The following WDFY3 variants were observed in gnomAD, a reference collection of about 807,000 sequenced individuals.
WDFY3 encodes WD repeat and FYVE domain containing 3, also known as WD repeat and FYVE domain-containing protein 3.
A neutral mutation model predicts 409.6 loss-of-function variants in WDFY3; 66 were observed. The observed-to-expected ratio is 0.16, with a 90% CI of 0.13 to 0.20. The LOEUF (loss-of-function observed/expected upper bound fraction) is 0.20, where lower values mean the gene tolerates loss of function less well. WDFY3 is among the 10% of genes least tolerant of loss of function. The probability of loss-of-function intolerance (pLI) is 1.00; values close to 1 mark genes in which losing one functional copy is unlikely to be tolerated. For synonymous variants in WDFY3, 1,521 were observed against 1,537.1 expected, an observed-to-expected ratio of 0.99 and a Z score of 0.25; for missense variants, 3,031 against 4,298.1, an observed-to-expected ratio of 0.71 and a Z score of 8.24.
At chr4:84,711,290 A>G (rs1732843776) in intron 51 of WDFY3, among the ~76,000 whole-genome samples, 1 of 152,208 alleles carries the variant, frequency 6.6e-6, no homozygotes, top group Non-Finnish European at 1.5e-5. Context: ...ATAAAAACAG[A>G]AGTTTAAATG....
At chr4:84,748,048 T>C (rs574458785) in intron 36 of WDFY3, among the ~76,000 whole-genome samples, 361 of 152,254 alleles carry the variant, frequency 2.4e-3, no homozygotes, top group Non-Finnish European at 4.2e-3. Context: ...CCTCCAGGTA[T>C]ACACAAATCT....
chr4:84,783,557 G>C (rs1746945529), intron 24 of WDFY3, among the ~76,000 whole-genome samples: 1 of 152,148 alleles, frequency 6.6e-6, no homozygotes, highest in African/African-American at 2.4e-5. Flanking sequence ...AAGATGGTGA[G>C]AGGATCTTGA....
chr4:84,780,876 G>A (rs1746388579), intron 25 of WDFY3, among the ~76,000 whole-genome samples: 2 of 152,072 alleles, frequency 1.3e-5, no homozygotes, highest in Non-Finnish European at 2.9e-5. Flanking sequence ...GCAGAGAAGA[G>A]CAGGGCTTTA....
intron 17 of WDFY3, among the ~76,000 whole-genome samples, chr4:84,799,772 C>CA (rs895722403): frequency 3.3e-4 from 50 of 152,208 alleles, no homozygotes; most frequent in African/African-American, 1.2e-3. Flanking sequence ...GCCAGTTTTT[C>CA]ATGTAGAACG....
At chr4:84,878,345 T>A (rs894096444) in intron 3 of WDFY3, among the ~76,000 whole-genome samples, 1 of 152,118 alleles carries the variant, frequency 6.6e-6, no homozygotes, top group Non-Finnish European at 1.5e-5. Flanking sequence ...GAATGTATGT[T>A]AAGACCTAAA....
intron 3 of WDFY3, among the ~76,000 whole-genome samples, chr4:84,885,379 C>G (rs550099529): frequency 1.3e-5 from 2 of 150,094 alleles, no homozygotes; most frequent in East Asian, 3.9e-4. Context: ...AAATGAATCA[C>G]GTAAGAACTC....
chr4:84,876,964 T>C (rs1296850859), intron 3 of WDFY3, among the ~76,000 whole-genome samples: 1 of 152,232 alleles, frequency 6.6e-6, no homozygotes, highest in Non-Finnish European at 1.5e-5. Context: ...TTTCATGCTA[T>C]TAAATTATCA....
At chr4:84,947,699 C>T (rs1561139360) in intron 1 of WDFY3, among the ~76,000 whole-genome samples, 3 of 145,624 alleles carry the variant, frequency 2.1e-5, no homozygotes, top group African/African-American at 7.7e-5. Flanking sequence ...ATCAAAAAAC[C>T]CCACATCTAC....
chr4:84,864,348 A>G (rs957318117), intron 3 of WDFY3, among the ~76,000 whole-genome samples: 2 of 148,042 alleles, frequency 1.4e-5, no homozygotes, highest in African/African-American at 5.0e-5. Flanking sequence ...CCTGGGTGAA[A>G]GAGCAAGACT....
At chr4:84,955,663 C>G (rs1302111940) in intron 1 of WDFY3, among the ~76,000 whole-genome samples, 1 of 152,004 alleles carries the variant, frequency 6.6e-6, no homozygotes, top group Non-Finnish European at 1.5e-5. Context: ...ATTTTTGCAA[C>G]TTCCCAAGTT....
intron 7 of WDFY3, among the ~76,000 whole-genome samples, chr4:84,834,481 T>C (rs1756268803): frequency 6.7e-6 from 1 of 148,284 alleles, no homozygotes; most frequent in Admixed American, 6.7e-5. Context: ...ACCTCATCTC[T>C]ACTAAAAACA....
chr4:84,874,991 T>C (rs1327713048), intron 3 of WDFY3, among the ~76,000 whole-genome samples: 1 of 151,884 alleles, frequency 6.6e-6, no homozygotes, highest in Admixed American at 6.6e-5. Context: ...TATTTGTATA[T>C]CTAAACACAG....
intron 40 of WDFY3, 37 bp from the exon 41 acceptor site, chr4:84,737,403 C>A: frequency 6.6e-7 from 1 of 1,516,612 alleles, no homozygotes. Context: ...AAAAAGTAAG[C>A]AAATGATCAA....
chr4:84,780,055 C>A, intron 26 of WDFY3, 53 bp downstream of exon 26: 2 of 1,460,686 alleles, frequency 1.4e-6, no homozygotes, highest in Non-Finnish European at 1.8e-6. Flanking sequence ...AATAAAAAAG[C>A]AGAGTATTTT....
At chr4:84,724,730 A>C in intron 45 of WDFY3, 136 bp from the exon 46 acceptor site, 25 of 802,050 alleles carry the variant, frequency 3.1e-5, no homozygotes, top group Non-Finnish European at 4.2e-5. Flanking sequence ...TATATACAGT[A>C]AATCCACACT....
intron 35 of WDFY3, 25 bp from the exon 36 acceptor site, chr4:84,751,741 C>G: frequency 6.2e-7 from 1 of 1,610,032 alleles, no homozygotes; most frequent in Non-Finnish European, 8.5e-7. Context: ...TGGAAAGATA[C>G]GGTAATCACA....
intron 1 of WDFY3, among the ~76,000 whole-genome samples, chr4:84,943,477 C>T (rs1772403320): frequency 6.6e-6 from 1 of 151,902 alleles, no homozygotes; most frequent in Non-Finnish European, 1.5e-5. Flanking sequence ...GCACTCCAGC[C>T]TGGGCGACAG....
intron 1 of WDFY3, among the ~76,000 whole-genome samples, chr4:84,962,145 T>G (rs1157377333): frequency 6.6e-6 from 1 of 152,254 alleles, no homozygotes; most frequent in Non-Finnish European, 1.5e-5. Flanking sequence ...GTGCTGGAGC[T>G]GGCTGGTACC....
chr4:84,772,894 A>G lies in WDFY3; in HGVS notation c.4790T>C (p.Phe1597Ser). The change falls in exon 30 of 68, where the codon TTT becomes TCT. Residue 1597 changes from phenylalanine to serine, a missense_variant. Coordinates refer to ENST00000295888, the MANE Select transcript of WDFY3 (RefSeq NM_014991.6). Reference sequence around the variant, plus strand: ...TACTACAAATTTCTCACAAACCGCAAAGGTTGGCAAAGTAGAAGAAATAAA... The same window carrying G: ...TACTACAAATTTCTCACAAACCGCAGAGGTTGGCAAAGTAGAAGAAATAAA... ...GQFISSTLPT[F>S]AVCEKFVVME... 1 of 1,609,416 alleles carries G rather than the reference A, an allele frequency of 6.2e-7. No homozygotes were observed. The highest frequency in any genetic ancestry group is 8.5e-7 in the Non-Finnish European group (1 of 1,178,334).
Sources: allele counts gnomAD v4.1 joint callset (sites outside exome capture counted in the v4.1 genomes callset), GRCh38; gene constraint gnomAD v4.1.1; transcripts MANE v1.5; gene names NCBI Gene and HGNC (gene_info 2026-07-23, HGNC 2026-07-21).